BLOC1S3: variants seen among roughly 807,000 people sequenced by gnomAD.
BLOC1S3 encodes biogenesis of lysosomal organelles complex 1 subunit 3.
Under a neutral mutation model 9.1 loss-of-function variants are expected in BLOC1S3, and 7 were observed. The ratio of observed to expected loss-of-function variants is 0.77; its 90% CI spans 0.44 to 1.45. BLOC1S3 has a LOEUF of 1.45. BLOC1S3 is among the 40% of genes most tolerant of loss of function. The pLI is 0.01. For missense variants in BLOC1S3, 307 were observed against 315.2 expected, an observed-to-expected ratio of 0.97 and a Z score of 0.20; for synonymous variants, 145 against 158.4, an observed-to-expected ratio of 0.92 and a Z score of 0.64.
intron 3 of BLOC1S3, among the ~76,000 whole-genome samples, chr19:45,212,360 C>G (rs773352666): frequency 6.6e-5 from 10 of 152,350 alleles, no homozygotes; most frequent in African/African-American, 2.4e-4. Context: ...ACTCAGGACT[C>G]AGCCCTTCCT....
rs1478340805 is a variant in BLOC1S3, at chr19:45,209,190, A to G, written n.282+6683A>G. Among the ~76,000 whole-genome samples, 5 of 151,914 alleles carry G rather than the reference A, an allele frequency of 3.3e-5. No individual in the cohort carries two copies. In the East Asian group the frequency reaches 9.7e-4, roughly 30 times the overall value. ...CAGCCTCCTGAGTAACTGGGATTACAGGCGAGCACCACCATGCCCGGCTAA... is the reference window on the plus strand; with the variant it reads ...CAGCCTCCTGAGTAACTGGGATTACGGGCGAGCACCACCATGCCCGGCTAA... On this transcript the variant is annotated intron_variant and non_coding_transcript_variant, in intron 3 of 3. Transcript: ENST00000591569.
At chr19:45,212,312 C>T (rs982056238) in intron 3 of BLOC1S3, among the ~76,000 whole-genome samples, 2 of 152,220 alleles carry the variant, frequency 1.3e-5, no homozygotes, top group African/African-American at 2.4e-5. Flanking sequence ...GCCACTGGCC[C>T]GGGGCCCTGC....
chr19:45,183,050 A>G (rs1376685927), downstream of BLOC1S3, among the ~76,000 whole-genome samples: 1 of 152,120 alleles, frequency 6.6e-6, no homozygotes, highest in Non-Finnish European at 1.5e-5. Flanking sequence ...GCAGAAGGGA[A>G]AGGGACCATA....
At chr19:45,182,376 A>G (rs1223325080), downstream of BLOC1S3, among the ~76,000 whole-genome samples, 4 of 152,004 alleles carry the variant, frequency 2.6e-5, no homozygotes, top group African/African-American at 7.3e-5. Flanking sequence ...CTCTGTCTCA[A>G]AAATAAATAG....
At chr19:45,199,412 T>C (rs1157970486) in intron 2 of BLOC1S3, among the ~76,000 whole-genome samples, 1 of 146,616 alleles carries the variant, frequency 6.8e-6, no homozygotes, top group African/African-American at 2.5e-5. Flanking sequence ...GCCTCCCGGG[T>C]TCAAGCAATT....
intron 2 of BLOC1S3, among the ~76,000 whole-genome samples, chr19:45,199,507 G>A (rs1318735266): frequency 6.6e-6 from 1 of 151,488 alleles, no homozygotes; most frequent in African/African-American, 2.4e-5. Flanking sequence ...GTAGAGATGG[G>A]GTTTCACCAT....
chr19:45,179,666 G>GT lies in BLOC1S3; in HGVS notation c.371dup (p.Ala125GlyfsTer20). 6.8e-7 allele frequency: 1 copy of GT among 1,466,838 alleles called. No individual in the cohort carries two copies. The highest frequency in any genetic ancestry group is 9.0e-7 in the Non-Finnish European group (1 of 1,115,064). The allele number at this position is 1,466,838 out of a possible 1,614,324, so 90.9% of individuals were successfully genotyped here. ...GAGCCAGGCGCGGCTGGACCACGAC[G>GT]TGGCGGCCGCCGTGAGCGGTGTCTA... is the stretch of plus-strand genomic sequence containing the variant. On this transcript the variant is annotated frameshift_variant, in exon 2 of 2. Transcript: ENST00000433642. LOFTEE classifies it high-confidence loss of function. This position sits in a 1 kb window ranked among gnomAD's most constrained non-coding sequence, Gnocchi z 4.6.
intron 2 of BLOC1S3, among the ~76,000 whole-genome samples, chr19:45,200,433 C>T (rs1029176468): frequency 7.9e-5 from 12 of 152,304 alleles, no homozygotes; most frequent in South Asian, 4.1e-4. Flanking sequence ...CCACCTGCCT[C>T]GGCCTCCCGA....
intron 3 of BLOC1S3, among the ~76,000 whole-genome samples, chr19:45,209,046 T>A (rs550231949): frequency 1.3e-5 from 1 of 79,312 alleles, no homozygotes; most frequent in Admixed American, 1.4e-4. Context: ...TACAGTTTTG[T>A]TTTTTTTTTG....
chr19:45,186,990 T>C (rs1421981889), upstream of BLOC1S3, among the ~76,000 whole-genome samples: 1 of 152,192 alleles, frequency 6.6e-6, no homozygotes. Flanking sequence ...AGGCAGTCAC[T>C]ATTTGTTGAC....
At position 45,180,112 on chromosome 19, in the gene BLOC1S3, T is replaced by C. The variant is rs997437119; in HGVS notation, c.*207T>C. 20 of 530,170 alleles carry C rather than the reference T, an allele frequency of 3.8e-5. No homozygotes were observed. The Admixed American group carries it at 8.4e-4, about 22-fold the overall frequency. The allele number at this position is 530,170 out of a possible 1,614,324, so 32.8% of individuals were successfully genotyped here. ...TGCGGAGACCAGGGCCCCACTATCC[T>C]TAGATCTGGTTCCTCTCCCGATCCT... On this transcript the variant is annotated 3_prime_UTR_variant, in exon 2 of 2. Coordinates refer to ENST00000433642, the MANE Select transcript of BLOC1S3 (RefSeq NM_212550.5).
At chr19:45,192,931 C>T (rs11083763) in intron 2 of BLOC1S3, among the ~76,000 whole-genome samples, 67,181 of 151,322 alleles carry the variant, frequency 0.44, 14,975 homozygotes, top group Admixed American at 0.47. Flanking sequence ...GTCAGGAGTT[C>T]GAGACCAGCC....
intron 3 of BLOC1S3, among the ~76,000 whole-genome samples, chr19:45,210,799 C>T (rs575539386): frequency 1.3e-5 from 2 of 152,282 alleles, no homozygotes; most frequent in Admixed American, 1.3e-4. Context: ...CTGAAAAGTA[C>T]ATTGACAAAC....
chr19:45,183,374 G>T (rs922059430), downstream of BLOC1S3, among the ~76,000 whole-genome samples: 1 of 151,456 alleles, frequency 6.6e-6, no homozygotes, highest in Non-Finnish European at 1.5e-5. Context: ...TACTCAGGAG[G>T]CTGAGGCAGG....
chr19:45,204,009 C>T (rs541023085), intron 3 of BLOC1S3, among the ~76,000 whole-genome samples: 2 of 151,860 alleles, frequency 1.3e-5, no homozygotes, highest in East Asian at 1.9e-4. Flanking sequence ...TTTAACCAGT[C>T]GATTCTTTTT....
intron 3 of BLOC1S3, among the ~76,000 whole-genome samples, chr19:45,207,998 G>A (rs2122937000): frequency 6.7e-6 from 1 of 149,248 alleles, no homozygotes; most frequent in Non-Finnish European, 1.5e-5. Context: ...TTTTTGAGAT[G>A]GAGTCTTGCT....
intron 2 of BLOC1S3, among the ~76,000 whole-genome samples, chr19:45,192,480 T>C (rs2159324): frequency 0.37 from 55,698 of 151,956 alleles, 11,262 homozygotes; most frequent in Non-Finnish European, 0.45. Context: ...CCCGCTTCCT[T>C]GAGCAGTAGG....
intron 3 of BLOC1S3, among the ~76,000 whole-genome samples, chr19:45,212,450 G>A (rs1969783555): frequency 6.6e-6 from 1 of 152,162 alleles, no homozygotes; most frequent in Admixed American, 6.6e-5. Context: ...TTGAGGTGAG[G>A]GAAAGGGGCG....
chr19:45,200,651 A>ACTGGAGC (rs1446657001), intron 2 of BLOC1S3, among the ~76,000 whole-genome samples: 6 of 152,158 alleles, frequency 3.9e-5, no homozygotes, highest in African/African-American at 1.4e-4. Context: ...GGGGTTGGTC[A>ACTGGAGC]CTGGAGCCTT....
Sources: allele counts gnomAD v4.1 joint callset (sites outside exome capture counted in the v4.1 genomes callset), GRCh38; gene constraint gnomAD v4.1.1; non-coding constraint Gnocchi (gnomAD v3.1); transcripts MANE v1.5; gene names NCBI Gene and HGNC (gene_info 2026-07-23, HGNC 2026-07-21).